Variants in MCEE observed in about 807,000 individuals in gnomAD.
The protein encoded by MCEE is methylmalonyl-CoA epimerase, mitochondrial.
In MCEE, 6 loss-of-function variants were observed where a neutral mutation model predicts 12.9. That is an observed-to-expected ratio of 0.47 (90% CI 0.26 to 0.92). The LOEUF (loss-of-function observed/expected upper bound fraction) is 0.92. Ranked by LOEUF, MCEE falls within the 40% of genes least tolerant of loss-of-function variation. The pLI is 0.16. For missense variants in MCEE, 214 were observed against 212.1 expected, an observed-to-expected ratio of 1.01 and a Z score of -0.05; for synonymous variants, 78 against 77.9, an observed-to-expected ratio of 1.00 and a Z score of -0.01.
intron 1 of MCEE, among the ~76,000 whole-genome samples, chr2:71,128,452 A>C (rs1275055511): frequency 6.6e-6 from 1 of 152,238 alleles, no homozygotes; most frequent in Non-Finnish European, 1.5e-5. Flanking sequence ...GGATAACCCA[A>C]ATGTCTATCA....
In MCEE at chr2:71,116,230, C is replaced by T. The variant is rs954793556; in HGVS notation, c.379-6108G>A. Among the ~76,000 whole-genome samples the T allele has an allele frequency of 1.0e-4, 15 of 149,670 alleles. 1 individual carries two copies. Among genetic ancestry groups the T allele is most frequent in the African/African-American group, 3.8e-4 (15 of 39,198 alleles). ...CAAGTAGTAGGTGCCCGCCACCACG[C>T]CTGGCTAATTTTTTTGTATTTTTAG... On this transcript the variant is annotated intron_variant, in intron 2 of 2. Transcript: ENST00000244217.
At chr2:71,127,717 C>T (rs1673267505) in intron 1 of MCEE, among the ~76,000 whole-genome samples, 1 of 152,234 alleles carries the variant, frequency 6.6e-6, no homozygotes, top group Non-Finnish European at 1.5e-5. Context: ...ACCTCTGCTT[C>T]CCAGGTTCAA....
intron 2 of MCEE, among the ~76,000 whole-genome samples, chr2:71,123,712 G>A (rs1480422061): frequency 5.3e-5 from 8 of 152,132 alleles, no homozygotes; most frequent in Non-Finnish European, 1.0e-4. Flanking sequence ...GTTGGCAGGT[G>A]CAATTCAGAA....
At chr2:71,111,635 T>C (rs1672887209) in intron 2 of MCEE, among the ~76,000 whole-genome samples, 1 of 152,174 alleles carries the variant, frequency 6.6e-6, no homozygotes, top group Non-Finnish European at 1.5e-5. Flanking sequence ...GATGAAGACA[T>C]GAAAGGTACT....
intron 2 of MCEE, chr2:71,110,958 C>T (rs141561774): frequency 2.5e-4 from 38 of 152,134 alleles, no homozygotes; most frequent in African/African-American, 9.2e-4. Context: ...AAAAAAAACA[C>T]ACAAAAGCAC....
At chr2:71,128,135 T>A (rs1381366132) in intron 1 of MCEE, among the ~76,000 whole-genome samples, 2 of 152,180 alleles carry the variant, frequency 1.3e-5, no homozygotes, top group Admixed American at 1.3e-4. Flanking sequence ...ACAGATTACA[T>A]TTCTGTTAGC....
intron 1 of MCEE, among the ~76,000 whole-genome samples, chr2:71,126,167 A>G (rs1673228016): frequency 1.3e-5 from 2 of 152,198 alleles, no homozygotes; most frequent in Admixed American, 6.5e-5. Flanking sequence ...ATGTTTTGAA[A>G]TAGACAAATG....
chr2:71,123,852 A>G (rs1367794776), intron 2 of MCEE, among the ~76,000 whole-genome samples: 3 of 152,228 alleles, frequency 2.0e-5, no homozygotes, highest in Admixed American at 6.5e-5. Context: ...AAGTCTTTTC[A>G]TTTGTTTCTC....
At chr2:71,118,339 T>A (rs1399544280) in intron 2 of MCEE, 1 of 150,542 alleles carries the variant, frequency 6.6e-6, no homozygotes, top group African/African-American at 2.5e-5. Flanking sequence ...ACAGTGTCGG[T>A]GCCCCTACCC....
chr2:71,127,773 C>A (rs11126318), intron 1 of MCEE, among the ~76,000 whole-genome samples: 1 of 152,110 alleles, frequency 6.6e-6, no homozygotes, highest in Non-Finnish European at 1.5e-5. Flanking sequence ...ATTACAGGAG[C>A]GCGCCACCAC....
At chr2:71,112,915 A>G (rs569867528) in intron 2 of MCEE, among the ~76,000 whole-genome samples, 3 of 152,212 alleles carry the variant, frequency 2.0e-5, no homozygotes, top group African/African-American at 7.2e-5. Flanking sequence ...ACTTTTGACC[A>G]TGTCCTACAT....
At chr2:71,110,391 T>C (rs1315776101) in intron 2 of MCEE, among the ~76,000 whole-genome samples, 1 of 152,254 alleles carries the variant, frequency 6.6e-6, no homozygotes, top group Non-Finnish European at 1.5e-5. Flanking sequence ...ATGTATGATA[T>C]ACTTTATAAT....
chr2:71,127,666 G>A (rs946299191), intron 1 of MCEE, among the ~76,000 whole-genome samples: 10 of 152,208 alleles, frequency 6.6e-5, no homozygotes, highest in South Asian at 2.1e-4. Flanking sequence ...TGGCTCTGTA[G>A]CCCAGGCTGG....
At chr2:71,129,447 G>A (rs2103651705) in intron 1 of MCEE, among the ~76,000 whole-genome samples, 1 of 151,076 alleles carries the variant, frequency 6.6e-6, no homozygotes, top group Middle Eastern at 3.4e-3. Context: ...TTCCTAATAG[G>A]GAATCTCAGA....
intron 1 of MCEE, among the ~76,000 whole-genome samples, chr2:71,127,770 G>A (rs1673268678): frequency 2.0e-5 from 3 of 152,210 alleles, no homozygotes; most frequent in African/African-American, 7.2e-5. Flanking sequence ...GGGATTACAG[G>A]AGCGCGCCAC....
chr2:71,125,211 A>ATATATTTTTTTTTT, intron 1 of MCEE, among the ~76,000 whole-genome samples: 28 of 48,604 alleles, frequency 5.8e-4, no homozygotes, highest in South Asian at 1.8e-3. Context: ...ATATATATAT[A>ATATATTTTTTTTTT]TTTTTTTTTT....
chr2:71,117,744 C>T (rs1385195073), intron 2 of MCEE, among the ~76,000 whole-genome samples: 3 of 150,192 alleles, frequency 2.0e-5, no homozygotes, highest in Non-Finnish European at 4.4e-5. Flanking sequence ...CAGCAGCCTG[C>T]AACAGTAATT....
intron 1 of MCEE, 100 bp from the exon 2 acceptor site, chr2:71,124,643 T>C: frequency 1.1e-6 from 1 of 882,240 alleles, no homozygotes; most frequent in Non-Finnish European, 1.8e-6. Flanking sequence ...AAAAATTCAT[T>C]ATTTATATAT....
At chr2:71,127,888 A>G (rs1294259156) in intron 1 of MCEE, among the ~76,000 whole-genome samples, 1 of 152,218 alleles carries the variant, frequency 6.6e-6, no homozygotes, top group Non-Finnish European at 1.5e-5. Context: ...AGCCTCCCAA[A>G]GTGCTGGGAT....
Sources: allele counts gnomAD v4.1 joint callset (sites outside exome capture counted in the v4.1 genomes callset), GRCh38; gene constraint gnomAD v4.1.1; transcripts MANE v1.5; gene names NCBI Gene and HGNC (gene_info 2026-07-23, HGNC 2026-07-21).